Variants in ADGRL2 observed in about 807,000 individuals in gnomAD.
ADGRL2 encodes the protein calcium-independent alpha-latrotoxin receptor 2.
In ADGRL2, 44 loss-of-function variants were observed where a neutral mutation model predicts 157.4. The observed-to-expected ratio is 0.28, with a 90% CI of 0.22 to 0.36. The LOEUF (loss-of-function observed/expected upper bound fraction) is 0.36, where lower values mean the gene tolerates loss of function less well. Ranked by LOEUF, ADGRL2 falls within the 10% of genes least tolerant of loss-of-function variation. The pLI is 1.00. For synonymous variants in ADGRL2, 585 were observed against 624.7 expected (o/e 0.94, Z 0.95); for missense variants, 1,510 against 1,768.9 (o/e 0.85, Z 2.63).
chr1:81,849,631 A>G (rs925688594), intron 2 of ADGRL2, among the ~76,000 whole-genome samples: 1 of 151,924 alleles, frequency 6.6e-6, no homozygotes, highest in Non-Finnish European at 1.5e-5. Flanking sequence ...TCCAAAAAAG[A>G]TTAATCTAAG....
intron 2 of ADGRL2, among the ~76,000 whole-genome samples, chr1:81,783,910 A>G (rs1298085798): frequency 6.6e-6 from 1 of 152,184 alleles, no homozygotes; most frequent in Non-Finnish European, 1.5e-5. Context: ...GCCAGGTACT[A>G]TCTGTATTAA....
intron 17 of ADGRL2, among the ~76,000 whole-genome samples, chr1:81,977,166 G>T (rs948752034): frequency 1.3e-5 from 2 of 151,756 alleles, no homozygotes; most frequent in Admixed American, 6.6e-5. Flanking sequence ...TGTAAAACGG[G>T]TATACAAGTG....
At chr1:81,486,129 A>G (rs1309425386) in intron 2 of ADGRL2, among the ~76,000 whole-genome samples, 1 of 152,244 alleles carries the variant, frequency 6.6e-6, no homozygotes, top group East Asian at 1.9e-4. Flanking sequence ...AAAACAAGCA[A>G]GAATTATTTG....
At chr1:81,415,612 G>A (rs1451193601) in intron 1 of ADGRL2, among the ~76,000 whole-genome samples, 2 of 152,206 alleles carry the variant, frequency 1.3e-5, no homozygotes, top group African/African-American at 4.8e-5. Context: ...GTAAGAATTA[G>A]CTGTAAATGC....
intron 1 of ADGRL2, among the ~76,000 whole-genome samples, chr1:81,725,560 A>AAATC: frequency 6.6e-6 from 1 of 151,816 alleles, no homozygotes; most frequent in East Asian, 1.9e-4. Context: ...ATAAATAAAT[A>AAATC]AATAAATAAA....
At position 81,502,538 on chromosome 1, in the gene ADGRL2, T is replaced by A; in HGVS notation, c.-248+57449T>A. ...ACAGATCCTGGACCTGTACATGCTG[T>A]ATAAGCTGGTGACCGAGAAGGGGGG... On this transcript the variant is annotated intron_variant, in intron 2 of 24. Coordinates refer to the ADGRL2 transcript ENST00000370721. 1.9e-6 allele frequency: 3 copies of A among 1,614,012 alleles called. No individual in the cohort carries two copies. The Admixed American group carries it at 5.0e-5, about 27-fold the overall frequency.
chr1:81,455,800 T>C (rs1047377120), intron 2 of ADGRL2, among the ~76,000 whole-genome samples: 5 of 152,150 alleles, frequency 3.3e-5, no homozygotes, highest in Non-Finnish European at 7.3e-5. Flanking sequence ...GTGAAAGACA[T>C]TGGAGTTAGA....
At chr1:81,978,558 G>C (rs1660807748) in intron 17 of ADGRL2, among the ~76,000 whole-genome samples, 1 of 151,730 alleles carries the variant, frequency 6.6e-6, no homozygotes, top group Non-Finnish European at 1.5e-5. Context: ...CCATCTAAGA[G>C]AAATCATAGG....
At chr1:81,465,630 C>G (rs896675342) in intron 2 of ADGRL2, among the ~76,000 whole-genome samples, 4 of 152,124 alleles carry the variant, frequency 2.6e-5, no homozygotes, top group Non-Finnish European at 5.9e-5. Context: ...AATGTTGGTA[C>G]ACTAACTCCT....
In ADGRL2 at chr1:81,956,059, T is replaced by G; in HGVS notation, c.2016T>G (p.Ile672Met). 1 of 1,586,088 alleles carries G rather than the reference T, an allele frequency of 6.3e-7. No homozygotes were observed. The highest frequency in any genetic ancestry group is 8.6e-7 in the Non-Finnish European group (1 of 1,168,810). ...GGGTCTCAATGCCCACAGAAAATAT[T>G]GGTAAGTGAATCTACTGTCAAGTTT... Reference protein sequence around the residue: ...PTRVSMPTENIVLEVAVLSTE... With the variant: ...PTRVSMPTENMVLEVAVLSTE... Residue 672 changes from isoleucine to methionine, a missense_variant and splice_region_variant, in exon 11 of 24, where the codon ATT becomes ATG. By Grantham distance (10) the Ile-to-Met change is conservative. Around this residue, in one of 4 missense-constraint regions of ADGRL2, gnomAD observed 325 missense variants for 333.2 expected, o/e 0.98. Coordinates refer to ENST00000686636, the MANE Select transcript of ADGRL2 (RefSeq NM_001366006.2).
intron 4 of ADGRL2, 143 bp downstream of exon 4, chr1:81,936,980 T>G (rs757626977): frequency 1.8e-4 from 101 of 553,494 alleles, no homozygotes; most frequent in Non-Finnish European, 2.9e-4. Flanking sequence ...GGCCTCCAAT[T>G]AACTTCATGA....
intron 1 of ADGRL2, among the ~76,000 whole-genome samples, chr1:81,705,233 G>A (rs931725008): frequency 2.6e-5 from 4 of 152,110 alleles, no homozygotes; most frequent in African/African-American, 9.6e-5. Flanking sequence ...TGTATTTTTA[G>A]TATTGGCCAG....
chr1:81,966,259 GTCCT>G, intron 12 of ADGRL2, 76 bp downstream of exon 12: 2 of 1,586,052 alleles, frequency 1.3e-6, no homozygotes, highest in Admixed American at 1.7e-5. Flanking sequence ...ATGTATTTGA[GTCCT>G]TATATAACAA....
At chr1:81,592,915 G>A (rs183665647) in intron 3 of ADGRL2, among the ~76,000 whole-genome samples, 179 of 152,170 alleles carry the variant, frequency 1.2e-3, no homozygotes, top group Non-Finnish European at 1.6e-3. Flanking sequence ...CCCTTCTCAG[G>A]GAAGGGAAGT....
intron 2 of ADGRL2, among the ~76,000 whole-genome samples, chr1:81,771,995 ATCCCAGCACTTTGGGAGGGGGAGACAG>A (rs1248808318): frequency 6.6e-6 from 1 of 152,180 alleles, no homozygotes; most frequent in African/African-American, 2.4e-5. Context: ...TATGCCTGTA[ATCCCAGCACTTTGGGAGGGGGAGACAG>A]GCAGATCACC....
chr1:81,913,335 T>C (rs1307760913), intron 3 of ADGRL2, among the ~76,000 whole-genome samples: 1 of 152,232 alleles, frequency 6.6e-6, no homozygotes, highest in African/African-American at 2.4e-5. Flanking sequence ...GTGCATTACT[T>C]TGTTCTGTGG....
intron 1 of ADGRL2, among the ~76,000 whole-genome samples, chr1:81,802,378 G>T (rs1003482588): frequency 6.6e-6 from 1 of 151,994 alleles, no homozygotes; most frequent in Non-Finnish European, 1.5e-5. Flanking sequence ...GGCCCAGGGG[G>T]AGACCCGCGC....
At chr1:81,735,615 C>A (rs1469463743) in intron 1 of ADGRL2, among the ~76,000 whole-genome samples, 1 of 151,414 alleles carries the variant, frequency 6.6e-6, no homozygotes, top group African/African-American at 2.4e-5. Context: ...CATGGTGAAA[C>A]CCCATCTTTA....
At chr1:81,580,603 T>C (rs1290802320) in intron 2 of ADGRL2, among the ~76,000 whole-genome samples, 1 of 152,016 alleles carries the variant, frequency 6.6e-6, no homozygotes. Flanking sequence ...ACTATAAATA[T>C]TCAATGTCAA....
Sources: allele counts gnomAD v4.1 joint callset (sites outside exome capture counted in the v4.1 genomes callset), GRCh38; gene constraint gnomAD v4.1.1; regional missense constraint gnomAD v4.1.1; transcripts MANE v1.5; gene names NCBI Gene and HGNC (gene_info 2026-07-23, HGNC 2026-07-21).